TBC1D22A: variants seen among roughly 807,000 people sequenced by gnomAD.
TBC1D22A encodes TBC1 domain family member 22A, also known as putative GTPase activator.
In TBC1D22A, 38 loss-of-function variants were observed where a neutral mutation model predicts 60.2. The ratio of observed to expected loss-of-function variants is 0.63; its 90% CI spans 0.49 to 0.83. TBC1D22A has a LOEUF of 0.83. Ranked by LOEUF, TBC1D22A falls within the 40% of genes least tolerant of loss-of-function variation. TBC1D22A has a pLI of 0.00. For missense variants in TBC1D22A, 628 were observed against 701.0 expected, an observed-to-expected ratio of 0.90 and a Z score of 1.18; for synonymous variants, 302 against 281.7, an observed-to-expected ratio of 1.07 and a Z score of -0.72.
intron 11 of TBC1D22A, among the ~76,000 whole-genome samples, chr22:47,072,803 C>G (rs1331633169): frequency 6.6e-6 from 1 of 152,244 alleles, no homozygotes; most frequent in African/African-American, 2.4e-5. Context: ...CTCTGGCCAT[C>G]GAGGCTGTGC....
chr22:47,146,489 A>G (rs1254922189), intron 12 of TBC1D22A, among the ~76,000 whole-genome samples: 1 of 152,244 alleles, frequency 6.6e-6, no homozygotes, highest in Non-Finnish European at 1.5e-5. Context: ...GGCCAGGCCA[A>G]GAAAGCATTG....
At chr22:46,960,921 C>T (rs1232343113) in intron 8 of TBC1D22A, among the ~76,000 whole-genome samples, 3 of 138,816 alleles carry the variant, frequency 2.2e-5, no homozygotes, top group Non-Finnish European at 4.5e-5. Context: ...TGCCACTACA[C>T]TCCAGCCTGG....
chr22:46,858,412 C>A (rs1019104550), intron 4 of TBC1D22A, among the ~76,000 whole-genome samples: 1 of 152,176 alleles, frequency 6.6e-6, no homozygotes, highest in Non-Finnish European at 1.5e-5. Context: ...AGGCAGCCGA[C>A]AGCAGGCAAG....
intron 10 of TBC1D22A, among the ~76,000 whole-genome samples, chr22:47,001,605 T>A (rs902263202): frequency 6.6e-6 from 1 of 152,146 alleles, no homozygotes; most frequent in Non-Finnish European, 1.5e-5. Flanking sequence ...TGTGGATGAT[T>A]GTAAGTGGGT....
chr22:47,171,006 C>T (rs1002453309), intron 12 of TBC1D22A, among the ~76,000 whole-genome samples: 9 of 152,190 alleles, frequency 5.9e-5, no homozygotes, highest in Non-Finnish European at 8.8e-5. Flanking sequence ...AACATGCAGA[C>T]GGCAGCCTCC....
chr22:46,792,317 G>A (rs1569038437), intron 1 of TBC1D22A, among the ~76,000 whole-genome samples: 3 of 152,140 alleles, frequency 2.0e-5, no homozygotes, highest in Admixed American at 1.3e-4. Flanking sequence ...GGTGTGGGGT[G>A]TGGGCTTGTA....
At chr22:46,913,246 C>T (rs895103244) in intron 8 of TBC1D22A, 2 of 992,958 alleles carry the variant, frequency 2.0e-6, no homozygotes, top group African/African-American at 1.7e-5. Flanking sequence ...ACTGTTTAGT[C>T]ACAGCATTTT....
At chr22:47,166,502 C>T (rs1432000664) in intron 12 of TBC1D22A, among the ~76,000 whole-genome samples, 1 of 152,250 alleles carries the variant, frequency 6.6e-6, no homozygotes, top group African/African-American at 2.4e-5. Context: ...GTGTTCTGCA[C>T]AGACCCGCCC....
chr22:46,781,399 C>T (rs1460267325), intron 1 of TBC1D22A, among the ~76,000 whole-genome samples: 1 of 152,204 alleles, frequency 6.6e-6, no homozygotes, highest in African/African-American at 2.4e-5. Flanking sequence ...TGGTCTTGAA[C>T]TCCTGGACTC....
chr22:46,887,418 A>C (rs1301183402), intron 5 of TBC1D22A, among the ~76,000 whole-genome samples: 2 of 152,254 alleles, frequency 1.3e-5, no homozygotes, highest in Non-Finnish European at 2.9e-5. Flanking sequence ...TTTCGGAGGT[A>C]TGCAAACCTA....
chr22:46,902,427 A>AT (rs1323879196), intron 7 of TBC1D22A, among the ~76,000 whole-genome samples: 1 of 152,238 alleles, frequency 6.6e-6, no homozygotes, highest in Non-Finnish European at 1.5e-5. Flanking sequence ...ATGTTACTAG[A>AT]ACTTTAGTAG....
In TBC1D22A at chr22:47,041,261, C is replaced by G. The variant is rs76129602; in HGVS notation, c.1329+4063C>G. Among the ~76,000 whole-genome samples the G allele has an allele frequency of 2.6e-3, 403 of 152,342 alleles. 1 individual carries two copies. Among genetic ancestry groups the G allele is most frequent in the African/African-American group, 9.6e-3 (398 of 41,576 alleles). On this transcript the variant is annotated intron_variant, in intron 11 of 12. Transcript: ENST00000337137. The stretch of plus-strand genomic sequence containing the variant: ...TCCCAAAGTGTATCTTTAATCATCA[C>G]TGCCCGCGCTCCTCACGCAGGGCTG...
chr22:47,033,000 C>T lies in TBC1D22A; in HGVS notation c.1202-4071C>T, dbSNP rs546993457. ...TCTGGGGCTGTCGCTGTCGTCCTGG[C>T]TGCTCTTCCCCAAGTAGCCAACTGC... On this transcript the variant is annotated intron_variant, in intron 10 of 12. Coordinates refer to ENST00000337137, the MANE Select transcript of TBC1D22A (RefSeq NM_014346.5). Among the ~76,000 whole-genome samples the T allele has an allele frequency of 6.4e-4, 97 of 152,372 alleles. 3 individuals are homozygous for T. The South Asian group carries it at 0.019, about 30-fold the overall frequency.
chr22:46,937,996 G>A (rs565060226), intron 8 of TBC1D22A, among the ~76,000 whole-genome samples: 1 of 152,214 alleles, frequency 6.6e-6, no homozygotes, highest in South Asian at 2.1e-4. Context: ...AGTAAAAAAG[G>A]TACATTAACT....
chr22:47,113,504 C>T (rs1399347239), intron 12 of TBC1D22A, among the ~76,000 whole-genome samples: 4 of 152,148 alleles, frequency 2.6e-5, no homozygotes, highest in African/African-American at 9.7e-5. Flanking sequence ...GACCATGTCT[C>T]ATCGTCTCCA....
intron 1 of TBC1D22A, among the ~76,000 whole-genome samples, chr22:46,769,824 A>C (rs2083426670): frequency 6.6e-6 from 1 of 152,040 alleles, no homozygotes; most frequent in African/African-American, 2.4e-5. Context: ...GCTTCTGAGG[A>C]GGCCGAGGCC....
At chr22:47,143,463 G>A (rs974647503) in intron 12 of TBC1D22A, among the ~76,000 whole-genome samples, 4 of 152,236 alleles carry the variant, frequency 2.6e-5, no homozygotes, top group African/African-American at 7.2e-5. Flanking sequence ...GTTTTGAACC[G>A]CTTCCAGGAA....
At chr22:47,091,157 C>T (rs4293650) in intron 11 of TBC1D22A, among the ~76,000 whole-genome samples, 5 of 123,022 alleles carry the variant, frequency 4.1e-5, no homozygotes, top group Non-Finnish European at 6.6e-5. Context: ...TTGATAGAGA[C>T]GGGCACGAGA....
intron 8 of TBC1D22A, among the ~76,000 whole-genome samples, chr22:46,936,583 C>A (rs1403187565): frequency 6.6e-6 from 1 of 152,258 alleles, no homozygotes; most frequent in Non-Finnish European, 1.5e-5. Context: ...ACAAGCGGAG[C>A]GTGAGACAGA....
Sources: allele counts gnomAD v4.1 joint callset (sites outside exome capture counted in the v4.1 genomes callset), GRCh38; gene constraint gnomAD v4.1.1; transcripts MANE v1.5; gene names NCBI Gene and HGNC (gene_info 2026-07-23, HGNC 2026-07-21).